The following DLGAP2 variants were observed in gnomAD, a reference collection of about 807,000 sequenced individuals.
DLGAP2 encodes DLG associated protein 2, also known as disks large-associated protein 2.
A neutral mutation model predicts 100.3 loss-of-function variants in DLGAP2; 26 were observed. The ratio of observed to expected loss-of-function variants is 0.26; its 90% CI spans 0.19 to 0.36. The LOEUF (loss-of-function observed/expected upper bound fraction) is 0.36. Among genes scored for constraint, DLGAP2 ranks in the 10% least tolerant of loss-of-function variants. The pLI is 1.00. For missense variants in DLGAP2, 1,858 were observed against 1,453.2 expected, an observed-to-expected ratio of 1.28 and a Z score of -4.53; for synonymous variants, 886 against 630.1, an observed-to-expected ratio of 1.41 and a Z score of -6.08.
intron 2 of DLGAP2, among the ~76,000 whole-genome samples, chr8:1,119,837 A>G (rs1795993998): frequency 6.6e-6 from 1 of 152,226 alleles, no homozygotes; most frequent in African/African-American, 2.4e-5. Flanking sequence ...GGTTGGCACC[A>G]TGATTTTAAA....
intron 3 of DLGAP2, among the ~76,000 whole-genome samples, chr8:1,274,911 C>G (rs983593641): frequency 1.3e-5 from 2 of 151,972 alleles, no homozygotes; most frequent in African/African-American, 4.8e-5. Flanking sequence ...CCTTGTAGAC[C>G]TCTCCTAATC....
chr8:1,052,452 T>C (rs535733616), intron 2 of DLGAP2, among the ~76,000 whole-genome samples: 1 of 152,334 alleles, frequency 6.6e-6, no homozygotes, highest in African/African-American at 2.4e-5. Flanking sequence ...TGGGGAAATT[T>C]TGCTGTAAGG....
At chr8:1,098,234 G>A (rs1282386271) in intron 2 of DLGAP2, among the ~76,000 whole-genome samples, 2 of 152,214 alleles carry the variant, frequency 1.3e-5, no homozygotes, top group East Asian at 3.9e-4. Flanking sequence ...CCGCACACCA[G>A]TTTGTTTCCA....
At position 1,497,332 on chromosome 8, in the gene DLGAP2, G is replaced by C. The variant is rs1348095780; in HGVS notation, c.107-4034G>C. Among the ~76,000 whole-genome samples, 5 of 152,196 alleles carry C rather than the reference G, an allele frequency of 3.3e-5. 1 individual carries two copies. In the South Asian group the frequency reaches 1.0e-3, roughly 32 times the overall value. On this transcript the variant is annotated intron_variant, in intron 3 of 14. Transcript: ENST00000637795. ...GATAGCGTCCAGCCTCTCCCTGGGA[G>C]GTATTCAGTTTGGACCATGGGAAGT...
At chr8:1,389,144 G>A (rs1381551932) in intron 3 of DLGAP2, among the ~76,000 whole-genome samples, 1 of 152,168 alleles carries the variant, frequency 6.6e-6, no homozygotes, top group Non-Finnish European at 1.5e-5. Flanking sequence ...TGGTCCCACA[G>A]ACTAAGGGTG....
intron 3 of DLGAP2, among the ~76,000 whole-genome samples, chr8:1,470,804 C>G (rs71499003): frequency 0.33 from 13,832 of 41,416 alleles, 4,362 homozygotes; most frequent in Middle Eastern, 0.5. Context: ...ACCCCTCCAG[C>G]CTTTCCCGAC....
At chr8:796,408 C>T (rs1187078180) in intron 1 of DLGAP2, among the ~76,000 whole-genome samples, 1 of 152,028 alleles carries the variant, frequency 6.6e-6, no homozygotes, top group African/African-American at 2.4e-5. Flanking sequence ...CAGGATTTCC[C>T]TGCGACTGCC....
At chr8:894,099 C>T (rs1238520818) in intron 1 of DLGAP2, among the ~76,000 whole-genome samples, 32 of 152,168 alleles carry the variant, frequency 2.1e-4, no homozygotes, top group Admixed American at 1.8e-3. Flanking sequence ...AGGGCCCTCT[C>T]GGAGCAGTGT....
intron 1 of DLGAP2, among the ~76,000 whole-genome samples, chr8:763,091 G>GT (rs755818876): frequency 2.0e-4 from 30 of 152,146 alleles, no homozygotes; most frequent in Non-Finnish European, 3.5e-4. Context: ...AAGACGACTA[G>GT]TTTAGGGAAT....
chr8:1,179,456 C>T (rs976273392), intron 2 of DLGAP2, among the ~76,000 whole-genome samples: 2 of 152,252 alleles, frequency 1.3e-5, no homozygotes, highest in Admixed American at 6.5e-5. Context: ...TCCACACCTT[C>T]AGGAGCGTCC....
At chr8:1,097,390 G>A (rs1251373618) in intron 2 of DLGAP2, among the ~76,000 whole-genome samples, 1 of 129,438 alleles carries the variant, frequency 7.7e-6, no homozygotes, top group Non-Finnish European at 1.6e-5. Flanking sequence ...GGGAGCCCGG[G>A]GCAGGCCTTC....
At chr8:1,425,592 A>T (rs1461774045) in intron 3 of DLGAP2, among the ~76,000 whole-genome samples, 1 of 152,208 alleles carries the variant, frequency 6.6e-6, no homozygotes, top group African/African-American at 2.4e-5. Flanking sequence ...GGACCTCTCC[A>T]GATCCCGGAC....
At chr8:1,345,223 C>T (rs1435792250) in intron 3 of DLGAP2, among the ~76,000 whole-genome samples, 1 of 152,264 alleles carries the variant, frequency 6.6e-6, no homozygotes, top group East Asian at 1.9e-4. Context: ...GTATCCTCTG[C>T]TGAAGGTGCA....
At chr8:1,288,142 ATGTG>A (rs1225634002) in intron 3 of DLGAP2, among the ~76,000 whole-genome samples, 601 of 52,332 alleles carry the variant, frequency 0.011, 6 homozygotes, top group African/African-American at 0.041. Flanking sequence ...TCGGTTGAGT[ATGTG>A]TGTGTGTGTG....
At chr8:1,588,306 C>T (rs936982522) in intron 6 of DLGAP2, among the ~76,000 whole-genome samples, 1 of 151,842 alleles carries the variant, frequency 6.6e-6, no homozygotes, top group Non-Finnish European at 1.5e-5. Context: ...ATGAAGAGAA[C>T]AGAGCAAAAA....
At chr8:779,115 C>T (rs201661731) in intron 1 of DLGAP2, among the ~76,000 whole-genome samples, 3 of 152,358 alleles carry the variant, frequency 2.0e-5, no homozygotes, top group South Asian at 2.1e-4. Flanking sequence ...AGGTGCCGTC[C>T]GTCACCCCTT....
At chr8:917,106 C>G (rs1264548644) in intron 2 of DLGAP2, among the ~76,000 whole-genome samples, 1 of 152,220 alleles carries the variant, frequency 6.6e-6, no homozygotes, top group Admixed American at 6.5e-5. Flanking sequence ...GAAGCACATA[C>G]ATTTTCAGGA....
At chr8:858,357 G>T (rs1797322632) in intron 1 of DLGAP2, among the ~76,000 whole-genome samples, 1 of 152,282 alleles carries the variant, frequency 6.6e-6, no homozygotes, top group South Asian at 2.1e-4. Context: ...GATTCCGACT[G>T]CATGGCATTC....
chr8:1,532,182 T>C (rs527613203), intron 4 of DLGAP2, among the ~76,000 whole-genome samples: 58 of 152,318 alleles, frequency 3.8e-4, no homozygotes, highest in African/African-American at 1.4e-3. Context: ...GTTCCCAGCC[T>C]GATTTTTCCC....
Sources: allele counts gnomAD v4.1 joint callset (sites outside exome capture counted in the v4.1 genomes callset), GRCh38; gene constraint gnomAD v4.1.1; transcripts MANE v1.5; gene names NCBI Gene and HGNC (gene_info 2026-07-23, HGNC 2026-07-21).